Variants in PPP1R16B observed in about 807,000 individuals in gnomAD.
The protein encoded by PPP1R16B is protein phosphatase 1 regulatory inhibitor subunit 16B.
A neutral mutation model predicts 61.7 loss-of-function variants in PPP1R16B; 14 were observed. That is an observed-to-expected ratio of 0.23 (90% CI 0.15 to 0.35). The LOEUF (loss-of-function observed/expected upper bound fraction) is 0.35. Ranked by LOEUF, PPP1R16B falls within the 10% of genes least tolerant of loss-of-function variation. PPP1R16B has a pLI of 1.00. For missense variants in PPP1R16B, 547 were observed against 752.5 expected, an observed-to-expected ratio of 0.73 and a Z score of 3.19; for synonymous variants, 266 against 305.3, an observed-to-expected ratio of 0.87 and a Z score of 1.34.
chr20:38,897,410 C>G (rs954436496), intron 4 of PPP1R16B, among the ~76,000 whole-genome samples: 2 of 152,194 alleles, frequency 1.3e-5, no homozygotes, highest in Admixed American at 6.5e-5. Context: ...CAAGGTTCAT[C>G]TATGTTGTAG....
At chr20:38,900,997 A>G (rs534984740) in intron 5 of PPP1R16B, among the ~76,000 whole-genome samples, 1 of 152,358 alleles carries the variant, frequency 6.6e-6, no homozygotes, top group South Asian at 2.1e-4. Context: ...AATGTTCACC[A>G]TAAAGATATA....
At chr20:38,853,372 A>G (rs2145731067) in intron 2 of PPP1R16B, among the ~76,000 whole-genome samples, 1 of 152,360 alleles carries the variant, frequency 6.6e-6, no homozygotes, top group Non-Finnish European at 1.5e-5. Flanking sequence ...GGTGAAGACT[A>G]AGAGAAGAAG....
chr20:38,834,112 T>G (rs985026426), intron 1 of PPP1R16B, among the ~76,000 whole-genome samples: 1 of 152,168 alleles, frequency 6.6e-6, no homozygotes, highest in Non-Finnish European at 1.5e-5. Flanking sequence ...CTACCATTCC[T>G]CCTCCAAGCT....
intron 2 of PPP1R16B, among the ~76,000 whole-genome samples, chr20:38,869,945 A>T (rs1476265063): frequency 6.6e-6 from 1 of 151,140 alleles, no homozygotes; most frequent in Non-Finnish European, 1.5e-5. Context: ...TTTTTTTAAG[A>T]CACGGTCTCT....
intron 1 of PPP1R16B, among the ~76,000 whole-genome samples, chr20:38,824,475 C>T (rs1383478580): frequency 6.6e-6 from 1 of 152,128 alleles, no homozygotes; most frequent in East Asian, 1.9e-4. Context: ...TTCCCAGTTC[C>T]TTCTTCTCCT....
At chr20:38,856,087 C>A (rs1017210969) in intron 2 of PPP1R16B, among the ~76,000 whole-genome samples, 1 of 150,100 alleles carries the variant, frequency 6.7e-6, no homozygotes, top group African/African-American at 2.5e-5. Flanking sequence ...GATATGATAA[C>A]AAGCTGGGGG....
intron 4 of PPP1R16B, among the ~76,000 whole-genome samples, chr20:38,899,060 C>G (rs1260887854): frequency 6.6e-6 from 1 of 152,116 alleles, no homozygotes; most frequent in South Asian, 2.1e-4. Flanking sequence ...GAGAGAGTGG[C>G]CCAGGGCAGG....
intron 5 of PPP1R16B, among the ~76,000 whole-genome samples, chr20:38,901,796 C>T (rs1050224481): frequency 1.3e-5 from 2 of 152,152 alleles, no homozygotes; most frequent in African/African-American, 4.8e-5. Flanking sequence ...AAACATTTTT[C>T]AATGTGTTAG....
chr20:38,852,768 T>TTTTGG (rs1601257219), intron 2 of PPP1R16B, among the ~76,000 whole-genome samples: 15 of 62,382 alleles, frequency 2.4e-4, no homozygotes, highest in Non-Finnish European at 3.0e-4. Context: ...TTTTTTTTTT[T>TTTTGG]GCGGGGGGTG....
chr20:38,845,720 T>A (rs2084932261), intron 2 of PPP1R16B, among the ~76,000 whole-genome samples: 1 of 152,082 alleles, frequency 6.6e-6, no homozygotes, highest in Middle Eastern at 3.4e-3. Flanking sequence ...AGGGAGAGCA[T>A]ACTGACCGTA....
intron 1 of PPP1R16B, among the ~76,000 whole-genome samples, chr20:38,832,573 G>A (rs544404134): frequency 1.3e-5 from 2 of 152,264 alleles, no homozygotes; most frequent in South Asian, 4.1e-4. Flanking sequence ...ATTGCTGGAG[G>A]GTATGAAACC....
intron 1 of PPP1R16B, among the ~76,000 whole-genome samples, chr20:38,822,666 C>T (rs965905079): frequency 6.6e-6 from 1 of 152,014 alleles, no homozygotes; most frequent in African/African-American, 2.4e-5. Context: ...TATTGCCTAC[C>T]TCATATAGAT....
chr20:38,850,504 A>G (rs2084961311), intron 2 of PPP1R16B, among the ~76,000 whole-genome samples: 1 of 152,244 alleles, frequency 6.6e-6, no homozygotes, highest in Non-Finnish European at 1.5e-5. Flanking sequence ...CTTCTAGACC[A>G]GAATTGTGCA....
At chr20:38,839,346 G>A (rs536538581) in intron 2 of PPP1R16B, among the ~76,000 whole-genome samples, 1 of 152,206 alleles carries the variant, frequency 6.6e-6, no homozygotes, top group Non-Finnish European at 1.5e-5. Context: ...GTACCAGCAC[G>A]GTGATAACGC....
At chr20:38,834,791 A>G (rs2084858806) in intron 1 of PPP1R16B, among the ~76,000 whole-genome samples, 1 of 152,132 alleles carries the variant, frequency 6.6e-6, no homozygotes. Flanking sequence ...ATAATAATCT[A>G]TAACATATTT....
chr20:38,903,750 A>G (rs928803200), intron 6 of PPP1R16B, among the ~76,000 whole-genome samples: 1 of 151,882 alleles, frequency 6.6e-6, no homozygotes, highest in Non-Finnish European at 1.5e-5. Context: ...GGTTAACTCC[A>G]CTCATCCTTG....
chr20:38,859,484 C>G (rs1314434631), intron 2 of PPP1R16B, among the ~76,000 whole-genome samples: 4 of 152,230 alleles, frequency 2.6e-5, no homozygotes, highest in Non-Finnish European at 5.9e-5. Flanking sequence ...ATTCAAGCCA[C>G]ATATGTAACT....
At chr20:38,875,196 TCTACCTACATCCTGTCCTGGTC>T (rs1171827171) in intron 2 of PPP1R16B, among the ~76,000 whole-genome samples, 1 of 152,166 alleles carries the variant, frequency 6.6e-6, no homozygotes, top group Non-Finnish European at 1.5e-5. Context: ...CATACATCAC[TCTACCTACATCCTGTCCTGGTC>T]CTCTCTGAGC....
intron 5 of PPP1R16B, among the ~76,000 whole-genome samples, chr20:38,901,221 T>G (rs1407701247): frequency 6.6e-6 from 1 of 152,112 alleles, no homozygotes; most frequent in Non-Finnish European, 1.5e-5. Context: ...CTTGGAAATA[T>G]GTCACATCCC....
Sources: allele counts gnomAD v4.1 joint callset (sites outside exome capture counted in the v4.1 genomes callset), GRCh38; gene constraint gnomAD v4.1.1; transcripts MANE v1.5; gene names NCBI Gene and HGNC (gene_info 2026-07-23, HGNC 2026-07-21).